ROBO2: variants seen among roughly 807,000 people sequenced by gnomAD.
ROBO2 encodes roundabout guidance receptor 2, also known as roundabout homolog 2.
ROBO2 carries 53 observed loss-of-function variants against 160.8 expected under a neutral mutation model. The observed-to-expected ratio is 0.33, with a 90% CI of 0.26 to 0.41. The LOEUF (loss-of-function observed/expected upper bound fraction) is 0.41, where lower values mean the gene tolerates loss of function less well. ROBO2 is among the 10% of genes least tolerant of loss of function. ROBO2 has a pLI of 1.00. For missense variants in ROBO2, 1,577 were observed against 1,722.4 expected, an observed-to-expected ratio of 0.92 and a Z score of 1.49; for synonymous variants, 664 against 611.7, an observed-to-expected ratio of 1.09 and a Z score of -1.26.
chr3:77,254,886 T>G (rs1329374959), intron 2 of ROBO2, among the ~76,000 whole-genome samples: 6 of 152,216 alleles, frequency 3.9e-5, no homozygotes, highest in African/African-American at 7.2e-5. Context: ...AGGTCAGATC[T>G]TCTGACACAA....
At chr3:76,300,126 C>T (rs1559732942) in intron 2 of ROBO2, among the ~76,000 whole-genome samples, 2 of 152,158 alleles carry the variant, frequency 1.3e-5, no homozygotes, top group South Asian at 2.1e-4. Context: ...AAATCAAGGC[C>T]TCATCCAAAC....
At chr3:77,556,572 A>G (rs1297262595) in intron 8 of ROBO2, among the ~76,000 whole-genome samples, 1 of 151,844 alleles carries the variant, frequency 6.6e-6, no homozygotes, top group African/African-American at 2.4e-5. Context: ...AAAACTATGA[A>G]CTCTAGTAAA....
intron 2 of ROBO2, among the ~76,000 whole-genome samples, chr3:75,987,995 T>C (rs1285338386): frequency 1.3e-5 from 2 of 151,736 alleles, no homozygotes; most frequent in Non-Finnish European, 2.9e-5. Flanking sequence ...TTCTTGTTTT[T>C]TTGTTTTTTG....
chr3:76,869,576 C>G (rs1242067797), intron 2 of ROBO2, among the ~76,000 whole-genome samples: 2 of 151,872 alleles, frequency 1.3e-5, no homozygotes, highest in Non-Finnish European at 2.9e-5. Flanking sequence ...GTCTCGATCT[C>G]CTGACCTCGT....
intron 2 of ROBO2, among the ~76,000 whole-genome samples, chr3:77,460,235 G>C (rs940933911): frequency 1.3e-5 from 2 of 152,092 alleles, no homozygotes; most frequent in East Asian, 3.9e-4. Flanking sequence ...GACAGAAATG[G>C]AGGAGTAATA....
chr3:76,565,756 C>T lies in ROBO2; in HGVS notation c.110-532258C>T, dbSNP rs1357260019. 2.0e-5 allele frequency among the ~76,000 whole-genome samples: 3 copies of T among 152,114 alleles called. No individual in the cohort carries two copies. The South Asian group carries it at 6.2e-4, about 31-fold the overall frequency. ...GAGGAAGTTGTTACTTTCATTTTTA[C>T]TTATTTGTTTCTGATACATAAATAA... On this transcript the variant is annotated intron_variant, in intron 2 of 26. Transcript: ENST00000487694.
intron 2 of ROBO2, among the ~76,000 whole-genome samples, chr3:77,331,619 C>A (rs1257189350): frequency 1.3e-5 from 2 of 152,082 alleles, no homozygotes; most frequent in African/African-American, 4.8e-5. Context: ...CAAAGAATTT[C>A]AATTTTTCTA....
At chr3:76,010,023 A>G (rs1429115081) in intron 2 of ROBO2, among the ~76,000 whole-genome samples, 5 of 152,234 alleles carry the variant, frequency 3.3e-5, no homozygotes, top group East Asian at 1.9e-4. Flanking sequence ...ATGGCATTCA[A>G]GAAACCCTGG....
rs545399558 is a variant in ROBO2 at position 77,331,987 on chromosome 3, T to G, written c.389-145427T>G. Among the ~76,000 whole-genome samples the G allele has an allele frequency of 5.9e-5, 9 of 152,298 alleles. No homozygotes were observed. In the South Asian group the frequency reaches 1.9e-3, roughly 32 times the overall value. The stretch of plus-strand genomic sequence containing the variant: ...TCCCAAAGTGCTGGGATTACAGGCG[T>G]GAGCCAACGCCCCCGGCCTGAAATG... On this transcript the variant is annotated intron_variant, in intron 2 of 25. Coordinates refer to ENST00000461745, the Ensembl canonical transcript of ROBO2.
chr3:76,535,101 G>A (rs893919308), intron 2 of ROBO2, among the ~76,000 whole-genome samples: 7 of 151,910 alleles, frequency 4.6e-5, no homozygotes, highest in African/African-American at 1.5e-4. Flanking sequence ...CTGGGAGGAG[G>A]GATGCAAGGG....
intron 2 of ROBO2, among the ~76,000 whole-genome samples, chr3:76,347,821 A>G (rs1459957638): frequency 6.6e-6 from 1 of 152,080 alleles, no homozygotes; most frequent in Non-Finnish European, 1.5e-5. Flanking sequence ...GTGAATTTGT[A>G]TTTTTCCACA....
At chr3:76,351,364 G>A (rs1054703435) in intron 2 of ROBO2, among the ~76,000 whole-genome samples, 1 of 151,890 alleles carries the variant, frequency 6.6e-6, no homozygotes, top group Non-Finnish European at 1.5e-5. Context: ...AAGAGTTATG[G>A]AAACTAGTAG....
chr3:76,063,597 C>T (rs1448657681), intron 2 of ROBO2, among the ~76,000 whole-genome samples: 3 of 151,852 alleles, frequency 2.0e-5, no homozygotes, highest in Non-Finnish European at 2.9e-5. Flanking sequence ...CCTCCCATTT[C>T]GACCTCCCAA....
At chr3:76,918,926 G>A (rs1189782044) in intron 2 of ROBO2, among the ~76,000 whole-genome samples, 1 of 151,122 alleles carries the variant, frequency 6.6e-6, no homozygotes, top group Non-Finnish European at 1.5e-5. Context: ...CAGTGATGTT[G>A]AGCTTTTTTT....
chr3:76,546,704 A>G (rs1358050578), intron 2 of ROBO2, among the ~76,000 whole-genome samples: 1 of 151,958 alleles, frequency 6.6e-6, no homozygotes, highest in Admixed American at 6.6e-5. Flanking sequence ...GGAAATTAAT[A>G]TGTTACCCAC....
At chr3:77,062,485 G>A (rs762730159) in intron 1 of ROBO2, among the ~76,000 whole-genome samples, 142 of 152,254 alleles carry the variant, frequency 9.3e-4, no homozygotes, top group South Asian at 1.0e-3. Context: ...TAGTGGTGAT[G>A]ACCTCCAAAT....
At chr3:76,023,514 A>C (rs934237340) in intron 2 of ROBO2, among the ~76,000 whole-genome samples, 2 of 151,582 alleles carry the variant, frequency 1.3e-5, no homozygotes, top group African/African-American at 2.4e-5. Context: ...AAGAAGAGAG[A>C]TGGAAGAACA....
chr3:77,494,571 GTC>G lies in ROBO2; in HGVS notation c.806+1191_806+1192del, dbSNP rs376575447. On this transcript the variant is annotated intron_variant, in intron 5 of 25. Coordinates refer to ENST00000461745, the Ensembl canonical transcript of ROBO2. ...CCAGCCTGGGCGACAGAGTGAGACT[GTC>G]TGAAAAAGAAAAAACAAAAAACAAA... Among the ~76,000 whole-genome samples, 381 of 152,158 alleles carry G rather than the reference GTC, an allele frequency of 2.5e-3. 2 individuals are homozygous for G. The highest frequency in any genetic ancestry group is 8.8e-3 in the African/African-American group (366 of 41,518).
At chr3:76,326,899 T>C (rs2073079903) in intron 2 of ROBO2, among the ~76,000 whole-genome samples, 1 of 151,790 alleles carries the variant, frequency 6.6e-6, no homozygotes, top group Non-Finnish European at 1.5e-5. Context: ...GATAGTTTAC[T>C]GAGAATGATG....
Sources: allele counts gnomAD v4.1 joint callset (sites outside exome capture counted in the v4.1 genomes callset), GRCh38; gene constraint gnomAD v4.1.1; transcripts MANE v1.5; gene names NCBI Gene and HGNC (gene_info 2026-07-23, HGNC 2026-07-21).